ANKRD12: variants seen among roughly 807,000 people sequenced by gnomAD.
ANKRD12 encodes the protein ankyrin repeat domain-containing protein 12.
In ANKRD12, 85 loss-of-function variants were observed where a neutral mutation model predicts 183.4. The ratio of observed to expected loss-of-function variants is 0.46; its 90% CI spans 0.39 to 0.56. The LOEUF (loss-of-function observed/expected upper bound fraction) is 0.56, where lower values mean the gene tolerates loss of function less well. Among genes scored for constraint, ANKRD12 ranks in the 20% least tolerant of loss-of-function variants. The pLI is 0.00. For missense variants in ANKRD12, 2,405 were observed against 2,357.1 expected (o/e 1.02, Z -0.42); for synonymous variants, 914 against 800.2 (o/e 1.14, Z -2.40).
At position 9,255,862 on chromosome 18, in the gene ANKRD12, T is replaced by C. The variant is rs760420163; in HGVS notation, c.2595T>C (p.Asp865=). 1 of 1,588,264 alleles carries C rather than the reference T, an allele frequency of 6.3e-7. No homozygotes were observed. The highest frequency in any genetic ancestry group is 1.2e-5 in the South Asian group (1 of 84,178). The part of the protein sequence containing the change: ...KDKLDLSECV[D]KIKEKDKLYS... ...AATTAGATCTTAGTGAATGTGTTGA[T>C]AAAATAAAAGAAAAGGACAAGCTAT... is the stretch of plus-strand genomic sequence containing the variant. Residue 865 remains aspartate, a synonymous_variant, in exon 9 of 13, where the codon GAT becomes GAC. Coordinates refer to ENST00000262126, the MANE Select transcript of ANKRD12 (RefSeq NM_015208.5).
chr18:9,174,042 G>A (rs1054642921), intron 1 of ANKRD12, among the ~76,000 whole-genome samples: 3 of 152,208 alleles, frequency 2.0e-5, no homozygotes, highest in Non-Finnish European at 2.9e-5. Flanking sequence ...CCAGTGAGGA[G>A]GGATGGATTG....
At chr18:9,230,379 A>G (rs889395135) in intron 8 of ANKRD12, among the ~76,000 whole-genome samples, 1 of 152,052 alleles carries the variant, frequency 6.6e-6, no homozygotes, top group African/African-American at 2.4e-5. Flanking sequence ...TAGTTAGTCT[A>G]GTTAGCAGTT....
chr18:9,236,067 T>G (rs1371995787), intron 8 of ANKRD12, among the ~76,000 whole-genome samples: 1 of 152,102 alleles, frequency 6.6e-6, no homozygotes, highest in Non-Finnish European at 1.5e-5. Flanking sequence ...TTTGTTTAAC[T>G]TAGGAAACAA....
In ANKRD12 at chr18:9,256,408, T is replaced by C; in HGVS notation, c.3141T>C (p.Ser1047=). ...TAAATAGCTTACTCAAACTAAAATC[T>C]GAAGCAGATAAGCCTAAACCTAAGT... ...IQINSLLKLK[S]EADKPKPKSS... Residue 1047 remains serine, a synonymous_variant, in exon 9 of 13, where the codon TCT becomes TCC. Coordinates refer to ENST00000262126, the MANE Select transcript of ANKRD12 (RefSeq NM_015208.5). The C allele has an allele frequency of 6.2e-7, 1 of 1,610,686 alleles. No individual in the cohort carries two copies. Among genetic ancestry groups the C allele is most frequent in the South Asian group, 1.1e-5 (1 of 89,986 alleles).
intron 8 of ANKRD12, among the ~76,000 whole-genome samples, chr18:9,251,394 A>G (rs890490402): frequency 3.9e-5 from 6 of 152,258 alleles, no homozygotes; most frequent in Non-Finnish European, 5.9e-5. Context: ...TAAATGTTAC[A>G]GTCTTAGTTG....
chr18:9,250,711 T>G (rs898032455), intron 8 of ANKRD12, among the ~76,000 whole-genome samples: 1 of 152,104 alleles, frequency 6.6e-6, no homozygotes, highest in Non-Finnish European at 1.5e-5. Flanking sequence ...AACAAGACCC[T>G]GTCTCTCAAA....
intron 2 of ANKRD12, among the ~76,000 whole-genome samples, chr18:9,184,733 G>T (rs1441716220): frequency 2.0e-5 from 3 of 152,146 alleles, no homozygotes; most frequent in Non-Finnish European, 4.4e-5. Context: ...TACATTTAAA[G>T]TATACAATTC....
chr18:9,242,935 T>G (rs1441290392), intron 8 of ANKRD12, among the ~76,000 whole-genome samples: 5 of 152,232 alleles, frequency 3.3e-5, no homozygotes, highest in African/African-American at 1.2e-4. Flanking sequence ...TGTGTATGAC[T>G]TCTTTTGTAA....
chr18:9,276,050 A>G (rs2039817973), intron 11 of ANKRD12, among the ~76,000 whole-genome samples: 1 of 152,228 alleles, frequency 6.6e-6, no homozygotes, highest in African/African-American at 2.4e-5. Context: ...AGTCCTAAAA[A>G]CAGAGCGAGT....
In ANKRD12 at chr18:9,283,460, C is replaced by G. The variant is rs1330283445; in HGVS notation, c.*2334C>G. 6.6e-6 allele frequency: 1 copy of G among 152,158 alleles called. No individual in the cohort carries two copies. Among genetic ancestry groups the G allele is most frequent in the Admixed American group, 6.5e-5 (1 of 15,276 alleles). 9.4% of individuals were successfully genotyped at this position (152,158 alleles called of 1,614,324 possible). A position where few individuals can be genotyped will look rare whatever the true frequency, so the allele number is the denominator to read the frequency against. ...AGCTTAAAAGAAAAGTTAATGCCTT[C>G]TCATTGGAAATGTATAATCAAATAA... On this transcript the variant is annotated 3_prime_UTR_variant, in exon 13 of 13. Transcript: ENST00000262126.
At chr18:9,186,972 C>T (rs920651754) in intron 2 of ANKRD12, among the ~76,000 whole-genome samples, 9 of 151,926 alleles carry the variant, frequency 5.9e-5, no homozygotes, top group Admixed American at 2.0e-4. Context: ...AGGATGGTCT[C>T]GAATGGTCTC....
Position 9,255,768 on chromosome 18 carries a change from A to G in ANKRD12, c.2501A>G (p.Glu834Gly). 6.3e-7 allele frequency: 1 copy of G among 1,580,076 alleles called. No individual in the cohort carries two copies. The highest frequency in any genetic ancestry group is 1.2e-5 in the South Asian group (1 of 83,450). ...KRSQIKEKDI[E>G]KMERKTFEKE... ...TCTCAAATTAAAGAAAAGGACATTG[A>G]GAAGATGGAAAGAAAAACCTTTGAA... The change falls in exon 9 of 13, where the codon GAG becomes GGG. Residue 834 changes from glutamate to glycine, a missense_variant. This residue lies in a region of ANKRD12 where 1,983 missense variants were observed against 1,725.9 expected (regional missense o/e 1.15). Transcript: ENST00000262126.
At chr18:9,238,831 A>G (rs2037495082) in intron 8 of ANKRD12, among the ~76,000 whole-genome samples, 1 of 152,198 alleles carries the variant, frequency 6.6e-6, no homozygotes, top group Non-Finnish European at 1.5e-5. Flanking sequence ...AAAGAGAGTA[A>G]TATTTTAAGG....
intron 1 of ANKRD12, among the ~76,000 whole-genome samples, chr18:9,154,286 G>T (rs999591388): frequency 6.6e-6 from 1 of 152,096 alleles, no homozygotes; most frequent in Non-Finnish European, 1.5e-5. Flanking sequence ...GATGGATGTG[G>T]TAACATGTGC....
intron 9 of ANKRD12, among the ~76,000 whole-genome samples, chr18:9,262,706 C>T (rs2039042321): frequency 6.6e-6 from 1 of 151,292 alleles, no homozygotes; most frequent in Non-Finnish European, 1.5e-5. Context: ...AAGCAATCCT[C>T]CTAGTCTCAA....
At chr18:9,274,993 G>C (rs914815816) in intron 10 of ANKRD12, among the ~76,000 whole-genome samples, 5 of 151,980 alleles carry the variant, frequency 3.3e-5, no homozygotes, top group African/African-American at 1.2e-4. Context: ...GACCAGCCTG[G>C]GCAACATAGT....
At position 9,203,718 on chromosome 18, in the gene ANKRD12, C is replaced by A. The variant is rs139654925; in HGVS notation, c.236-758C>A. ...CACCTGGGTTCAAGTGATTCTCTGG[C>A]CTCAGCCTCCCAAGTAGGTGGGATT... On this transcript the variant is annotated intron_variant, in intron 3 of 12. Transcript: ENST00000262126. 4.2e-3 allele frequency among the ~76,000 whole-genome samples: 641 copies of A among 152,224 alleles called. 15 individuals carry two copies. Among genetic ancestry groups the A allele is most frequent in the Admixed American group, 0.035 (540 of 15,296 alleles).
chr18:9,241,010 A>G (rs750069560), intron 8 of ANKRD12, among the ~76,000 whole-genome samples: 8 of 152,198 alleles, frequency 5.3e-5, no homozygotes, highest in East Asian at 1.9e-4. Context: ...CTTACTTACA[A>G]TGGAGTTCTA....
intron 10 of ANKRD12, among the ~76,000 whole-genome samples, chr18:9,266,973 T>C (rs1249390361): frequency 1.3e-5 from 2 of 152,036 alleles, no homozygotes; most frequent in East Asian, 3.9e-4. Flanking sequence ...AATCCTAGTC[T>C]CTGATAAAAC....
Sources: allele counts gnomAD v4.1 joint callset (sites outside exome capture counted in the v4.1 genomes callset), GRCh38; gene constraint gnomAD v4.1.1; regional missense constraint gnomAD v4.1.1; transcripts MANE v1.5; gene names NCBI Gene and HGNC (gene_info 2026-07-23, HGNC 2026-07-21).